Variants in OVOL2 observed in about 807,000 individuals in gnomAD.
The protein encoded by OVOL2 is ovo like zinc finger 2.
Under a neutral mutation model 18.1 loss-of-function variants are expected in OVOL2, and 13 were observed. The observed-to-expected ratio is 0.72, with a 90% CI of 0.47 to 1.14. The LOEUF is 1.14. OVOL2 is among the 50% of genes most tolerant of loss of function. The probability of loss-of-function intolerance (pLI) is 0.00; values close to 1 mark genes in which losing one functional copy is unlikely to be tolerated. For synonymous variants in OVOL2, 166 were observed against 162.7 expected (o/e 1.02, Z -0.16); for missense variants, 335 against 383.0 (o/e 0.87, Z 1.05).
At chr20:18,041,441 C>G in intron 3 of OVOL2, 93 bp downstream of exon 3, 1 of 1,423,038 alleles carries the variant, frequency 7.0e-7, no homozygotes, top group Non-Finnish European at 9.6e-7. Flanking sequence ...CAACATTGTT[C>G]CACGGTCTCA....
At chr20:18,049,700 G>A (rs969622040) in intron 2 of OVOL2, among the ~76,000 whole-genome samples, 2 of 152,120 alleles carry the variant, frequency 1.3e-5, no homozygotes, top group Non-Finnish European at 2.9e-5. Flanking sequence ...GATATGACTT[G>A]CCCACGGCCA....
chr20:18,035,987 A>G (rs1483877125), intron 3 of OVOL2, among the ~76,000 whole-genome samples: 2 of 152,168 alleles, frequency 1.3e-5, no homozygotes, highest in Admixed American at 6.6e-5. Context: ...TCAATGTAAA[A>G]TCCATATTAA....
rs2036497125 is a variant in OVOL2, at chr20:18,024,837, C to G, written c.627G>C (p.Arg209=). The G allele has an allele frequency of 1.9e-6, 3 of 1,614,224 alleles. No individual in the cohort carries two copies. Among genetic ancestry groups the G allele is most frequent in the Non-Finnish European group, 1.7e-6 (2 of 1,180,046 alleles). Residue 209 remains arginine, a synonymous_variant, in exon 4 of 4, where the codon CGG becomes CGC. Transcript: ENST00000278780. ...GVQQQYAYKQ[R]RDKLYVCEDC... Reference sequence around the variant, plus strand: ...CCTCGCAGACGTAGAGCTTGTCCCGCCGCTGCTTATAGGCATACTGCTGCT... The same window carrying G: ...CCTCGCAGACGTAGAGCTTGTCCCGGCGCTGCTTATAGGCATACTGCTGCT...
chr20:18,024,796 C>A lies in OVOL2; in HGVS notation c.668G>T (p.Gly223Val), dbSNP rs749724836. Residue 223 changes from glycine (G) to valine (V), a missense_variant, in exon 4 of 4, where the codon GGC becomes GTC. Physicochemically the swap from Gly to Val is moderately radical, Grantham distance 109. Coordinates refer to ENST00000278780, the MANE Select transcript of OVOL2 (RefSeq NM_021220.4). The stretch of plus-strand genomic sequence containing the variant: ...CAGGTACAGGTCCTCCTGGGTGGGG[C>A]CCGTGTAGCCGCAATCCTCGCAGAC... ...LYVCEDCGYT[G>V]PTQEDLYLHV... 6.2e-7 allele frequency: 1 copy of A among 1,614,194 alleles called. No individual in the cohort carries two copies. The highest frequency in any genetic ancestry group is 8.5e-7 in the Non-Finnish European group (1 of 1,180,040).
Position 18,056,604 on chromosome 20 carries a change from C to A in OVOL2, c.321+53G>T. 7.6e-7 allele frequency: 1 copy of A among 1,322,296 alleles called. No individual in the cohort carries two copies. Among genetic ancestry groups the A allele is most frequent in the Non-Finnish European group, 9.7e-7 (1 of 1,033,876 alleles). The allele number at this position is 1,322,296 out of a possible 1,614,324, so 81.9% of individuals were successfully genotyped here. ...CAGGGAGGGGCGCCGGCCTCGGGAG[C>A]CCGACGCCAGGGCGTGGTGCAGGTG... On this transcript the variant is annotated intron_variant, in intron 2 of 3. Transcript: ENST00000278780. The surrounding 1 kb of genome is among the most constrained non-coding windows in gnomAD (Gnocchi z 4.2).
chr20:18,032,891 T>C (rs970988503), intron 3 of OVOL2, among the ~76,000 whole-genome samples: 2 of 152,234 alleles, frequency 1.3e-5, no homozygotes, highest in African/African-American at 4.8e-5. Context: ...GCTTGGCATG[T>C]GAAGGGAGTT....
At chr20:18,028,696 G>A (rs1428114999) in intron 3 of OVOL2, among the ~76,000 whole-genome samples, 7 of 152,016 alleles carry the variant, frequency 4.6e-5, no homozygotes, top group Non-Finnish European at 1.0e-4. Context: ...GGGAGAATGA[G>A]GCACGAAAAT....
chr20:18,025,025 TAA>T lies in OVOL2; in HGVS notation c.512-75_512-74del, dbSNP rs2036499696. On this transcript the variant is annotated intron_variant, in intron 3 of 3. Coordinates refer to ENST00000278780, the MANE Select transcript of OVOL2 (RefSeq NM_021220.4). ...CAGAACCACCCAACTATGAAGCCAG[TAA>T]AAGTCATGCCATGACCAAGGATTCA... is the stretch of plus-strand genomic sequence containing the variant. 4.7e-6 allele frequency: 7 copies of T among 1,500,348 alleles called. No homozygotes were observed. The Admixed American group carries it at 1.4e-4, about 29-fold the overall frequency. 92.9% of individuals were successfully genotyped at this position (1,500,348 alleles called of 1,614,324 possible).
chr20:18,026,610 T>C (rs2036520583), intron 3 of OVOL2, among the ~76,000 whole-genome samples: 1 of 152,324 alleles, frequency 6.6e-6, no homozygotes, highest in East Asian at 1.9e-4. Context: ...CTCGATCTCC[T>C]GACCTTGTGA....
chr20:18,057,493 C>G lies in OVOL2; in HGVS notation c.100+42G>C. 6.5e-7 allele frequency: 1 copy of G among 1,544,126 alleles called. No individual in the cohort carries two copies. Among genetic ancestry groups the G allele is most frequent in the Admixed American group, 2.0e-5 (1 of 50,776 alleles). ...AAGACCCGCCACCCCTTCCCCCACC[C>G]CGGGAGCCCAGCGCCCAGGCCCGGC... On this transcript the variant is annotated intron_variant, in intron 1 of 3. Coordinates refer to ENST00000278780, the MANE Select transcript of OVOL2 (RefSeq NM_021220.4). This position sits in a 1 kb window ranked among gnomAD's most constrained non-coding sequence, Gnocchi z 6.3.
chr20:18,058,365 G>T (rs1413644569), upstream of OVOL2, among the ~76,000 whole-genome samples: 1 of 151,676 alleles, frequency 6.6e-6, no homozygotes, highest in Non-Finnish European at 1.5e-5. Context: ...ATAATGGGGG[G>T]TGGGGGCTTA....
At chr20:18,058,704 T>C (rs1404215466), upstream of OVOL2, among the ~76,000 whole-genome samples, 4 of 152,202 alleles carry the variant, frequency 2.6e-5, no homozygotes, top group African/African-American at 4.8e-5. Context: ...GGGAAATACC[T>C]TTCCAGGAAG....
chr20:18,036,308 CA>C (rs1451340287), intron 3 of OVOL2, among the ~76,000 whole-genome samples: 2 of 151,934 alleles, frequency 1.3e-5, no homozygotes, highest in Non-Finnish European at 2.9e-5. Context: ...AAGAAAAAAA[CA>C]AAAAAATTGA....
rs1266600946 is a variant in OVOL2 at position 18,057,482 on chromosome 20, C to A, written c.100+53G>T. On this transcript the variant is annotated intron_variant, in intron 1 of 3. Transcript: ENST00000278780. This position sits in a 1 kb window ranked among gnomAD's most constrained non-coding sequence, Gnocchi z 6.3. Reference sequence around the variant, plus strand: ...GATGAGCAGAGAAGACCCGCCACCCCTTCCCCCACCCCGGGAGCCCAGCGC... The same window carrying A: ...GATGAGCAGAGAAGACCCGCCACCCATTCCCCCACCCCGGGAGCCCAGCGC... The A allele has an allele frequency of 1.2e-5, 19 of 1,536,156 alleles. No homozygotes were observed. In the Middle Eastern group the frequency reaches 5.9e-4, roughly 48 times the overall value.
chr20:18,030,438 A>G (rs1430141193), intron 3 of OVOL2, among the ~76,000 whole-genome samples: 1 of 152,214 alleles, frequency 6.6e-6, no homozygotes, highest in Non-Finnish European at 1.5e-5. Flanking sequence ...CCTGGATGCA[A>G]CAAACTCCTG....
rs537539784 is a variant in OVOL2, at chr20:18,042,567, G to A, written c.322-844C>T. ...TGAGGTGGGTGGATCACCTGAGGTC[G>A]GGAATTTGAGATCAGCCTGACCAAC... On this transcript the variant is annotated intron_variant, in intron 2 of 3. Transcript: ENST00000278780. 1.3e-4 allele frequency among the ~76,000 whole-genome samples: 19 copies of A among 151,830 alleles called. No individual in the cohort carries two copies. In the South Asian group the frequency reaches 3.1e-3, roughly 25 times the overall value.
At chr20:18,032,322 AG>A (rs1736890850) in intron 3 of OVOL2, among the ~76,000 whole-genome samples, 1 of 146,352 alleles carries the variant, frequency 6.8e-6, no homozygotes, top group Admixed American at 6.9e-5. Context: ...AGAGAGAGAA[AG>A]AAAGAGAGAA....
At position 18,056,828 on chromosome 20, in the gene OVOL2, G is replaced by A. The variant is rs2036832516; in HGVS notation, c.150C>T (p.Asp50=). The change falls in exon 2 of 4, where the codon GAC becomes GAT. Residue 50 remains aspartate (D), a synonymous_variant. Transcript: ENST00000278780. The surrounding 1 kb of genome is among the most constrained non-coding windows in gnomAD (Gnocchi z 4.2). ...TGCCGCTGCCGCTGCTGCTGCCGCC[G>A]TCGCTGCGGCAGTCCTCGGGGGGGT... ...LHDPPEDCRS[D]GGSSSGSGSS... 2.0e-6 allele frequency: 3 copies of A among 1,491,420 alleles called. No individual in the cohort carries two copies. The highest frequency in any genetic ancestry group is 2.7e-6 in the Non-Finnish European group (3 of 1,128,248). The allele number at this position is 1,491,420 out of a possible 1,614,324, so 92.4% of individuals were successfully genotyped here.
chr20:18,036,674 C>G lies in OVOL2; in HGVS notation c.511+4860G>C, dbSNP rs188694190. On this transcript the variant is annotated intron_variant, in intron 3 of 3. Coordinates refer to ENST00000278780, the MANE Select transcript of OVOL2 (RefSeq NM_021220.4). ...GGAGTCTGAAGGGGTACAGGCACCC[C>G]CTTTCTTGCTTCCTCTGTGGGCAGA... is the stretch of plus-strand genomic sequence containing the variant. Among the ~76,000 whole-genome samples, 745 of 152,216 alleles carry G rather than the reference C, an allele frequency of 4.9e-3. 12 individuals carry two copies. Among genetic ancestry groups the G allele is most frequent in the African/African-American group, 0.017 (712 of 41,536 alleles).
Sources: gnomAD v4.1 joint callset for allele counts (sites outside exome capture counted in the v4.1 genomes callset) on GRCh38, gnomAD v4.1.1 for gene constraint, Gnocchi (gnomAD v3.1) non-coding constraint, MANE v1.5 for transcripts, NCBI Gene and HGNC (gene_info 2026-07-23, HGNC 2026-07-21) for gene names.